Variants in DSCAM observed in about 807,000 individuals in gnomAD.
DSCAM encodes the protein DS cell adhesion molecule, also known as cell adhesion molecule DSCAM.
In DSCAM, 47 loss-of-function variants were observed where a neutral mutation model predicts 217.7. The ratio of observed to expected loss-of-function variants is 0.22; its 90% CI spans 0.17 to 0.28. The LOEUF is 0.28. Ranked by LOEUF, DSCAM falls within the 10% of genes least tolerant of loss-of-function variation. The pLI, the probability that DSCAM is intolerant of heterozygous loss-of-function variation, is 1.00. For missense variants in DSCAM, 2,080 were observed against 2,618.3 expected (o/e 0.79, Z 4.49); for synonymous variants, 1,056 against 1,015.3 (o/e 1.04, Z -0.76).
intron 11 of DSCAM, among the ~76,000 whole-genome samples, chr21:40,203,256 G>T (rs73364195): frequency 0.029 from 4,410 of 152,286 alleles, 127 homozygotes; most frequent in African/African-American, 0.077. Context: ...ATTTGTGTCT[G>T]GCTTCTTTCC....
intron 29 of DSCAM, among the ~76,000 whole-genome samples, chr21:40,055,038 A>G (rs1375338035): frequency 6.6e-6 from 1 of 152,204 alleles, no homozygotes; most frequent in African/African-American, 2.4e-5. Context: ...GAATAAATAG[A>G]ATAATCGAGG....
At chr21:40,317,486 A>G (rs1342996725) in intron 8 of DSCAM, among the ~76,000 whole-genome samples, 1 of 151,976 alleles carries the variant, frequency 6.6e-6, no homozygotes, top group African/African-American at 2.4e-5. Context: ...TTTATTTCCC[A>G]CAACTAGTGG....
chr21:40,562,776 T>C (rs1052836399), intron 3 of DSCAM, among the ~76,000 whole-genome samples: 11 of 152,180 alleles, frequency 7.2e-5, no homozygotes, highest in South Asian at 2.1e-4. Flanking sequence ...GAGGTCACTA[T>C]TGTGGCCCTA....
At chr21:40,656,194 A>G (rs890712045) in intron 3 of DSCAM, among the ~76,000 whole-genome samples, 1 of 152,198 alleles carries the variant, frequency 6.6e-6, no homozygotes, top group African/African-American at 2.4e-5. Flanking sequence ...GGACACATAC[A>G]TTCAAACCAG....
At chr21:40,685,330 G>A (rs555290657) in intron 3 of DSCAM, among the ~76,000 whole-genome samples, 38 of 152,286 alleles carry the variant, frequency 2.5e-4, no homozygotes, top group Non-Finnish European at 3.7e-4. Flanking sequence ...TATTGGCAGC[G>A]TTCCCACCAC....
intron 16 of DSCAM, among the ~76,000 whole-genome samples, chr21:40,160,788 ACC>A (rs2090531748): frequency 6.6e-6 from 1 of 152,140 alleles, no homozygotes; most frequent in East Asian, 1.9e-4. Context: ...TTATAACCTA[ACC>A]GTTATACAAA....
At chr21:40,585,179 C>CTTCCTTTT (rs2076935253) in intron 3 of DSCAM, among the ~76,000 whole-genome samples, 1 of 145,916 alleles carries the variant, frequency 6.9e-6, no homozygotes, top group African/African-American at 2.5e-5. Context: ...AAATCAACTT[C>CTTCCTTTT]TTTTTTTTTT....
At chr21:40,528,844 C>G (rs559251972) in intron 3 of DSCAM, among the ~76,000 whole-genome samples, 58 of 151,444 alleles carry the variant, frequency 3.8e-4, no homozygotes, top group African/African-American at 1.2e-3. Context: ...TCAGAGCCTC[C>G]TCATGGACAG....
chr21:40,761,152 A>C (rs1041584051), intron 1 of DSCAM, among the ~76,000 whole-genome samples: 1 of 152,220 alleles, frequency 6.6e-6, no homozygotes, highest in African/African-American at 2.4e-5. Context: ...TGATCCTTCC[A>C]AGTAGTGGAC....
At chr21:40,260,795 C>T (rs1235957955) in intron 11 of DSCAM, among the ~76,000 whole-genome samples, 1 of 152,098 alleles carries the variant, frequency 6.6e-6, no homozygotes, top group African/African-American at 2.4e-5. Context: ...TAAGTCTAAA[C>T]AAAACTATGT....
At chr21:40,417,633 T>C (rs1368852186) in intron 3 of DSCAM, among the ~76,000 whole-genome samples, 3 of 152,222 alleles carry the variant, frequency 2.0e-5, no homozygotes. Context: ...TGCTATAGTA[T>C]GGAATTTAGC....
intron 14 of DSCAM, among the ~76,000 whole-genome samples, chr21:40,179,874 G>A (rs950365145): frequency 6.6e-6 from 1 of 152,224 alleles, no homozygotes; most frequent in African/African-American, 2.4e-5. Context: ...AGTTTGGGCA[G>A]TTGTTGACTG....
At chr21:40,846,513 GA>G in intron 1 of DSCAM, 105 bp downstream of exon 1, 1 of 404,896 alleles carries the variant, frequency 2.5e-6, no homozygotes, top group South Asian at 5.3e-5. Context: ...AGATGAAGCG[GA>G]AAAAGAAAGA....
intron 9 of DSCAM, among the ~76,000 whole-genome samples, chr21:40,307,226 C>A (rs1385524748): frequency 7.0e-6 from 1 of 141,888 alleles, no homozygotes; most frequent in African/African-American, 3.0e-5. Flanking sequence ...TGAACTCAAA[C>A]AAATTTACAA....
At position 40,144,534 on chromosome 21, in the gene DSCAM, C is replaced by T; in HGVS notation, c.3216G>A (p.Thr1072=). 2 of 1,614,190 alleles carry T rather than the reference C, an allele frequency of 1.2e-6. No homozygotes were observed. The highest frequency in any genetic ancestry group is 1.7e-6 in the Non-Finnish European group (2 of 1,180,046). The part of the protein sequence containing the change: ...LVVQACNRAG[T]GPSSQEIITT... The stretch of plus-strand genomic sequence containing the variant: ...TGATGATTTCCTGAGAAGAAGGCCC[C>T]GTGCCGGCCCGGTTACAGGCCTGCA... The change falls in exon 17 of 33, where the codon ACG becomes ACA. Residue 1072 remains threonine (T), a synonymous_variant. Coordinates refer to ENST00000400454, the MANE Select transcript of DSCAM (RefSeq NM_001389.5). This position sits in a 1 kb window ranked among gnomAD's most constrained non-coding sequence, Gnocchi z 4.8.
At chr21:40,214,260 C>T (rs1055452779) in intron 11 of DSCAM, among the ~76,000 whole-genome samples, 4 of 152,152 alleles carry the variant, frequency 2.6e-5, no homozygotes, top group Admixed American at 2.0e-4. Flanking sequence ...CACTCATGGA[C>T]GTGGGAGCCT....
intron 1 of DSCAM, among the ~76,000 whole-genome samples, chr21:40,845,563 C>CTG (rs1974074586): frequency 6.6e-6 from 1 of 151,482 alleles, no homozygotes; most frequent in Non-Finnish European, 1.5e-5. Flanking sequence ...CTCTCTCTCT[C>CTG]TCTCTCTGTC....
chr21:40,342,955 T>C (rs1435975614), intron 6 of DSCAM, among the ~76,000 whole-genome samples: 1 of 151,794 alleles, frequency 6.6e-6, no homozygotes, highest in Non-Finnish European at 1.5e-5. Flanking sequence ...TTGAATATGG[T>C]ATATCTTTTC....
At chr21:40,644,291 T>C (rs1385741489) in intron 3 of DSCAM, among the ~76,000 whole-genome samples, 1 of 152,122 alleles carries the variant, frequency 6.6e-6, no homozygotes, top group Non-Finnish European at 1.5e-5. Flanking sequence ...CAGCAAGCAG[T>C]GTTTGGTGAG....
Sources: gnomAD v4.1 joint callset for allele counts (sites outside exome capture counted in the v4.1 genomes callset) on GRCh38, gnomAD v4.1.1 for gene constraint, Gnocchi (gnomAD v3.1) non-coding constraint, MANE v1.5 for transcripts, NCBI Gene and HGNC (gene_info 2026-07-23, HGNC 2026-07-21) for gene names.